NLRC5: variants seen among roughly 807,000 people sequenced by gnomAD.
NLRC5 encodes the protein NLR family CARD domain containing 5, also known as protein NLRC5.
Under a neutral mutation model 206.9 loss-of-function variants are expected in NLRC5, and 114 were observed. That is an observed-to-expected ratio of 0.55 (90% confidence interval 0.47 to 0.64). NLRC5 has a LOEUF of 0.64. NLRC5 is among the 30% of genes least tolerant of loss of function. NLRC5 has a pLI of 0.00. For synonymous variants in NLRC5, 952 were observed against 962.8 expected (o/e 0.99, Z 0.21); for missense variants, 2,008 against 2,305.5 (o/e 0.87, Z 2.64).
At position 57,081,170 on chromosome 16, in the gene NLRC5, G is replaced by C; in HGVS notation, c.5394G>C (p.Leu1798=). The C allele has an allele frequency of 6.5e-7, 1 of 1,541,662 alleles. No homozygotes were observed. The highest frequency in any genetic ancestry group is 8.7e-7 in the Non-Finnish European group (1 of 1,147,344). Residue 1798 remains leucine, a synonymous_variant, in exon 47 of 49, where the codon CTG becomes CTC. Transcript: ENST00000688547. ...LAQVLPQMGR[L]KRVDLEKNQI... ...AGGTGCTGCCGCAGATGGGCCGGCT[G>C]AAGAGAGTGGAGTATGAGGGGCCGG...
intron 15 of NLRC5, among the ~76,000 whole-genome samples, chr16:57,038,628 A>G (rs2062898116): frequency 6.6e-6 from 1 of 152,174 alleles, no homozygotes; most frequent in African/African-American, 2.4e-5. Flanking sequence ...CAAGATATGC[A>G]ATGGCAGAAA....
intron 46 of NLRC5, among the ~76,000 whole-genome samples, chr16:57,080,340 C>T (rs2068969230): frequency 6.6e-6 from 1 of 152,020 alleles, no homozygotes; most frequent in South Asian, 2.1e-4. Context: ...GGTTAAAAAC[C>T]CAACATCTTA....
rs1158587897 is a variant in NLRC5 at position 57,025,813 on chromosome 16, T to C, written c.870T>C (p.Thr290=). The part of the protein sequence containing the change: ...LYLSPESDHD[T]VFQYLEKNAD... ...TGAGCCCTGAATCGGACCACGACAC[T>C]GTCTTCCAGTACCTGGAGAAGAACG... The change falls in exon 6 of 49, where the codon ACT becomes ACC. Residue 290 remains threonine (T), a synonymous_variant. Transcript: ENST00000688547. 1.2e-6 allele frequency: 2 copies of C among 1,614,244 alleles called. No homozygotes were observed. The highest frequency in any genetic ancestry group is 1.7e-5 in the Admixed American group (1 of 60,028).
chr16:57,076,945 C>T (rs368976407), intron 40 of NLRC5, 43 bp downstream of exon 40: 75 of 1,579,882 alleles, frequency 4.7e-5, no homozygotes, highest in African/African-American at 1.2e-4. Context: ...CAATTTTGGC[C>T]GGGAAAGATG....
intron 16 of NLRC5, 30 bp downstream of exon 16, chr16:57,039,879 C>T: frequency 6.3e-7 from 1 of 1,583,162 alleles, no homozygotes; most frequent in Non-Finnish European, 8.7e-7. Flanking sequence ...CAACTCCATG[C>T]TCAGTCAGGG....
rs1213552602 is a variant in NLRC5 at position 57,079,211 on chromosome 16, T to C, written c.5166-10T>C. On this transcript the variant is annotated splice_polypyrimidine_tract_variant and intron_variant, in intron 44 of 48. Coordinates refer to ENST00000688547, the MANE Select transcript of NLRC5 (RefSeq NM_001384950.1). ...GGGTTCCTCTCACAGGTATCTCCCC[T>C]ACCCTGCAGCTTGGCGGAAAACAAC... is the stretch of plus-strand genomic sequence containing the variant. 4 of 1,613,982 alleles carry C rather than the reference T, an allele frequency of 2.5e-6. No homozygotes were observed. Among genetic ancestry groups the C allele is most frequent in the African/African-American group, 1.3e-5 (1 of 75,054 alleles).
rs1460239035 is a variant in NLRC5 at position 57,061,937 on chromosome 16, A to G, written c.4154+236A>G. The G allele has an allele frequency of 2.5e-5, 37 of 1,507,408 alleles. No individual in the cohort carries two copies. The Admixed American group carries it at 6.0e-4, about 24-fold the overall frequency. The allele number at this position is 1,507,408 out of a possible 1,614,324, so 93.4% of individuals were successfully genotyped here. On this transcript the variant is annotated intron_variant, in intron 32 of 48. Transcript: ENST00000688547. ...GCTTTGGGATTTAAGAAAAAAAGAA[A>G]GAAAGAAAGAAAGAAGGTTTCAGAG...
chr16:57,067,654 T>C, intron 35 of NLRC5, 82 bp from the exon 36 acceptor site: 1 of 1,460,628 alleles, frequency 6.8e-7, no homozygotes, highest in Non-Finnish European at 9.6e-7. Context: ...CCTTCTCCTC[T>C]CTTGGCACCC....
chr16:57,022,602 G>A (rs1052503943), intron 4 of NLRC5, among the ~76,000 whole-genome samples: 2 of 152,254 alleles, frequency 1.3e-5, no homozygotes, highest in South Asian at 2.1e-4. Flanking sequence ...TTTCCTGCCC[G>A]CAACCCGCAG....
chr16:56,997,331 A>G (rs2142202127), intron 1 of NLRC5, among the ~76,000 whole-genome samples: 1 of 152,302 alleles, frequency 6.6e-6, no homozygotes, highest in Admixed American at 6.5e-5. Context: ...CCGGGAACTC[A>G]GTACATAACA....
chr16:57,026,545 A>G lies in NLRC5; in HGVS notation c.1602A>G (p.Lys534=). The change falls in exon 6 of 49, where the codon AAA becomes AAG. Residue 534 remains lysine (K), a synonymous_variant. Coordinates refer to ENST00000688547, the MANE Select transcript of NLRC5 (RefSeq NM_001384950.1). ...LHLMASPKVN[K]DTLTQYVTLH... The stretch of plus-strand genomic sequence containing the variant: ...TGATGGCCAGCCCCAAGGTGAACAA[A>G]GACACACTTACCCAGTATGTTACCC... 1 of 1,614,166 alleles carries G rather than the reference A, an allele frequency of 6.2e-7. No homozygotes were observed. Among genetic ancestry groups the G allele is most frequent in the Non-Finnish European group, 8.5e-7 (1 of 1,180,028 alleles).
At chr16:57,041,142 C>T (rs1349064692) in intron 17 of NLRC5, among the ~76,000 whole-genome samples, 1 of 152,166 alleles carries the variant, frequency 6.6e-6, no homozygotes, top group Non-Finnish European at 1.5e-5. Flanking sequence ...GCCTGTTTCT[C>T]TCATTTCTTC....
At chr16:57,055,212 AC>A (rs2144419653) in intron 26 of NLRC5, 118 bp downstream of exon 26, 4 of 1,139,440 alleles carry the variant, frequency 3.5e-6, no homozygotes, top group Admixed American at 1.8e-5. Flanking sequence ...CCCTGGAACA[AC>A]CCTGCAGAGG....
rs1476670010 is a variant in NLRC5 at position 57,047,560 on chromosome 16, T to C, written c.3354T>C (p.Pro1118=). The part of the protein sequence containing the change: ...IPRSLCLSEC[P]LEPPSLTRLC... ...CCCTTTGCAGCCTCAGTGAGTGTCC[T>C]CTGGAGCCCCCAAGCCTCACCCGCC... Residue 1118 remains proline (P), a synonymous_variant, in exon 23 of 49, where the codon CCT becomes CCC. Transcript: ENST00000688547. 1.9e-6 allele frequency: 3 copies of C among 1,611,924 alleles called. No homozygotes were observed. Among genetic ancestry groups the C allele is most frequent in the Non-Finnish European group, 2.5e-6 (3 of 1,179,184 alleles).
rs767311461 is a variant in NLRC5, at chr16:57,026,930, GC to G, written c.1992del (p.Ile665SerfsTer19). 1 of 1,614,152 alleles carries G rather than the reference GC, an allele frequency of 6.2e-7. No individual in the cohort carries two copies. The highest frequency in any genetic ancestry group is 8.5e-7 in the Non-Finnish European group (1 of 1,180,022). ...TLTNILEHRE[A>X]PIHLDFDGCP... is the part of the protein sequence containing the mutation. The stretch of plus-strand genomic sequence containing the variant: ...GACCAACATCCTAGAGCACAGGGAG[GC>G]CCCCATCCACCTGGATTTTGATGGC... On this transcript the variant is annotated frameshift_variant, in exon 6 of 49. Transcript: ENST00000688547. LOFTEE classifies it high-confidence loss of function.
rs534128677 is a variant in NLRC5 at position 57,043,481 on chromosome 16, G to C, written c.3114-34G>C. 40 of 1,535,050 alleles carry C rather than the reference G, an allele frequency of 2.6e-5. No individual in the cohort carries two copies. In the South Asian group the frequency reaches 4.2e-4, roughly 16 times the overall value. On this transcript the variant is annotated intron_variant, in intron 19 of 48. Transcript: ENST00000688547. ...CAAAGAGGATGTGTTTGGGTCCTGA[G>C]TGACCTCCATTGTGCCACCCCTGTG...
At chr16:57,021,102 G>A (rs2060621461) in intron 3 of NLRC5, 95 bp downstream of exon 3, 6 of 1,114,216 alleles carry the variant, frequency 5.4e-6, no homozygotes, top group Non-Finnish European at 7.8e-6. Context: ...GTCAGAGAGA[G>A]GGTGTAGCCC....
rs377088038 is a variant in NLRC5, at chr16:57,022,245, C to T, written c.296-11C>T. ...GCCCCATACCACATTATACTCTCCCCTCTCTTGCAGGGTTCACCAGCCAGC... is the reference window on the plus strand; with the variant it reads ...GCCCCATACCACATTATACTCTCCCTTCTCTTGCAGGGTTCACCAGCCAGC... On this transcript the variant is annotated splice_polypyrimidine_tract_variant and intron_variant, in intron 3 of 48. Transcript: ENST00000688547. The T allele has an allele frequency of 4.2e-5, 67 of 1,608,918 alleles. No homozygotes were observed. The African/African-American group carries it at 8.3e-4, about 20-fold the overall frequency.
chr16:57,044,772 A>G (rs2063728340), intron 20 of NLRC5, among the ~76,000 whole-genome samples: 1 of 151,964 alleles, frequency 6.6e-6, no homozygotes, highest in African/African-American at 2.4e-5. Flanking sequence ...AACTTTAAAA[A>G]TTAGCCAAGC....
Sources: gnomAD v4.1 joint callset for allele counts (sites outside exome capture counted in the v4.1 genomes callset) on GRCh38, gnomAD v4.1.1 for gene constraint, MANE v1.5 for transcripts, NCBI Gene and HGNC (gene_info 2026-07-23, HGNC 2026-07-21) for gene names.